Variants in SLF1 observed in about 807,000 individuals in gnomAD.
The protein encoded by SLF1 is SMC5/6 complex localization factor 1.
A neutral mutation model predicts 123.0 loss-of-function variants in SLF1; 105 were observed. The ratio of observed to expected loss-of-function variants is 0.85; its 90% confidence interval spans 0.73 to 1.00. The LOEUF is 1.00. Among genes scored for constraint, SLF1 ranks in the 50% least tolerant of loss-of-function variants. The probability of loss-of-function intolerance (pLI) is 0.00; values close to 1 mark genes in which losing one functional copy is unlikely to be tolerated. For missense variants in SLF1, 1,239 were observed against 1,223.0 expected, an observed-to-expected ratio of 1.01 and a Z score of -0.20; for synonymous variants, 434 against 406.6, an observed-to-expected ratio of 1.07 and a Z score of -0.81.
intron 17 of SLF1, 141 bp from the exon 18 acceptor site, chr5:94,689,332 A>G: frequency 1.2e-6 from 1 of 857,214 alleles, no homozygotes. Context: ...AATAAATTTT[A>G]AAATTAGAAA....
intron 14 of SLF1, among the ~76,000 whole-genome samples, chr5:94,673,437 T>G (rs765094096): frequency 6.6e-6 from 1 of 152,070 alleles, no homozygotes; most frequent in African/African-American, 2.4e-5. Flanking sequence ...CACTTTGATA[T>G]GCTGAAGTGG....
chr5:94,628,354 G>C (rs1744822538), intron 1 of SLF1, among the ~76,000 whole-genome samples: 1 of 151,372 alleles, frequency 6.6e-6, no homozygotes, highest in African/African-American at 2.4e-5. Flanking sequence ...GGCCAGGCTG[G>C]TCTAGATTTC....
At chr5:94,653,048 G>C (rs1747933468) in intron 7 of SLF1, among the ~76,000 whole-genome samples, 1 of 152,086 alleles carries the variant, frequency 6.6e-6, no homozygotes, top group Non-Finnish European at 1.5e-5. Flanking sequence ...GTGGAAATGG[G>C]ATTTCTCCAT....
intron 5 of SLF1, among the ~76,000 whole-genome samples, chr5:94,646,371 G>A (rs773395857): frequency 6.6e-5 from 10 of 152,180 alleles, no homozygotes; most frequent in Non-Finnish European, 1.0e-4. Flanking sequence ...GATATTTATC[G>A]AAGACCATTG....
chr5:94,665,950 G>A lies in SLF1; in HGVS notation c.1458G>A (p.Ser486=), dbSNP rs191863782. 32 of 1,551,294 alleles carry A rather than the reference G, an allele frequency of 2.1e-5. No individual in the cohort carries two copies. The highest frequency in any genetic ancestry group is 2.0e-4 in the Admixed American group (10 of 51,006). The part of the protein sequence containing the change: ...LHPPWKSPAM[S]RYYLELFQCP... ...CTCCTTGGAAGTCTCCAGCCATGTC[G>A]AGATATTATTTAGAGTTGTTTCAGT... The change falls in exon 12 of 21, where the codon TCG becomes TCA. Residue 486 remains serine (S), a synonymous_variant. Transcript: ENST00000265140.
intron 4 of SLF1, among the ~76,000 whole-genome samples, chr5:94,639,925 C>T (rs1310574947): frequency 3.3e-5 from 5 of 152,124 alleles, no homozygotes; most frequent in African/African-American, 1.2e-4. Context: ...CACGGGTCAA[C>T]TGTATTTCCA....
rs1002377047 is a variant in SLF1, at chr5:94,618,752, C to G, written c.-14C>G. ...GCCGCTGCCACCGAAGGAAGCATCCCAGACACCGGGAAGGTAAAGGGGCTC... is the reference window on the plus strand; with the variant it reads ...GCCGCTGCCACCGAAGGAAGCATCCGAGACACCGGGAAGGTAAAGGGGCTC... On this transcript the variant is annotated 5_prime_UTR_variant, in exon 1 of 21. Transcript: ENST00000265140. 6.5e-6 allele frequency: 1 copy of G among 154,846 alleles called. No individual in the cohort carries two copies. The highest frequency in any genetic ancestry group is 2.4e-5 in the African/African-American group (1 of 41,522). 9.6% of individuals were successfully genotyped at this position (154,846 alleles called of 1,614,324 possible).
chr5:94,663,936 C>T lies in SLF1; in HGVS notation c.1368+28C>T, dbSNP rs548656064. On this transcript the variant is annotated intron_variant, in intron 11 of 20. Transcript: ENST00000265140. ...AAGAGCAGCCTTAAGGATTTATAAT[C>T]TTTTTTTCAAAGAATGTTAAAATGT... The T allele has an allele frequency of 5.5e-6, 8 of 1,445,320 alleles. No homozygotes were observed. The East Asian group carries it at 1.9e-4, about 34-fold the overall frequency. 89.5% of individuals were successfully genotyped at this position (1,445,320 alleles called of 1,614,324 possible).
intron 5 of SLF1, among the ~76,000 whole-genome samples, chr5:94,647,243 A>G (rs1034547363): frequency 3.3e-5 from 5 of 152,238 alleles, no homozygotes; most frequent in Non-Finnish European, 5.9e-5. Context: ...GGATTGTGAA[A>G]TACTATTTAA....
intron 4 of SLF1, among the ~76,000 whole-genome samples, chr5:94,632,993 T>C (rs1745371020): frequency 1.3e-5 from 2 of 151,794 alleles, no homozygotes; most frequent in South Asian, 4.2e-4. Context: ...CCGACCTTTA[T>C]TTTTTTAATT....
At chr5:94,633,840 G>A (rs1585113196) in intron 4 of SLF1, among the ~76,000 whole-genome samples, 1 of 152,054 alleles carries the variant, frequency 6.6e-6, no homozygotes, top group African/African-American at 2.4e-5. Context: ...ATTGATTTCT[G>A]TCCTTGGTTT....
chr5:94,653,083 C>T (rs571856107), intron 7 of SLF1, among the ~76,000 whole-genome samples, 189 bp from the exon 8 acceptor site: 1 of 152,260 alleles, frequency 6.6e-6, no homozygotes, highest in South Asian at 2.1e-4. Flanking sequence ...TCTCTAACTC[C>T]CGACCTCAGG....
intron 3 of SLF1, among the ~76,000 whole-genome samples, chr5:94,630,209 T>A (rs1745052509): frequency 6.6e-6 from 1 of 152,194 alleles, no homozygotes; most frequent in Admixed American, 6.5e-5. Flanking sequence ...ATTATAAAAT[T>A]GTAATTTAGA....
At chr5:94,691,948 C>T (rs555061069) in intron 19 of SLF1, 126 bp from the exon 20 acceptor site, 2 of 831,852 alleles carry the variant, frequency 2.4e-6, no homozygotes, top group African/African-American at 1.7e-5. Flanking sequence ...ACATTTTTAT[C>T]ACAGCATTCT....
At chr5:94,643,499 A>G in intron 5 of SLF1, 64 bp downstream of exon 5, 1 of 1,100,412 alleles carries the variant, frequency 9.1e-7, no homozygotes, top group Middle Eastern at 3.0e-4. Context: ...AAATACCAAC[A>G]TAGTAAAATA....
chr5:94,670,363 T>C (rs1389235072), intron 13 of SLF1, 84 bp downstream of exon 13: 3 of 1,083,252 alleles, frequency 2.8e-6, no homozygotes, highest in Non-Finnish European at 2.5e-6. Context: ...ATTATAAATA[T>C]ATTTCTAAAA....
intron 1 of SLF1, 32 bp from the exon 2 acceptor site, chr5:94,628,779 C>A: frequency 7.3e-7 from 1 of 1,372,834 alleles, no homozygotes; most frequent in Non-Finnish European, 9.9e-7. Flanking sequence ...ATCTTTAACA[C>A]ACATTATCTT....
At chr5:94,624,085 T>G (rs1483389362) in intron 1 of SLF1, among the ~76,000 whole-genome samples, 1 of 152,152 alleles carries the variant, frequency 6.6e-6, no homozygotes, top group Non-Finnish European at 1.5e-5. Context: ...GATTCCTGAT[T>G]CTGTTAAAGT....
intron 8 of SLF1, among the ~76,000 whole-genome samples, 158 bp downstream of exon 8, chr5:94,653,579 A>G (rs985012815): frequency 6.6e-6 from 1 of 152,188 alleles, no homozygotes; most frequent in Non-Finnish European, 1.5e-5. Context: ...GTTCACAGTA[A>G]ATGTACTTGT....
Sources: gnomAD v4.1 joint callset for allele counts (sites outside exome capture counted in the v4.1 genomes callset) on GRCh38, gnomAD v4.1.1 for gene constraint, MANE v1.5 for transcripts, NCBI Gene and HGNC (gene_info 2026-07-23, HGNC 2026-07-21) for gene names.